The following FAM135B variants were observed in gnomAD, a reference collection of about 807,000 sequenced individuals.
The protein encoded by FAM135B is family with sequence similarity 135 member B.
Under a neutral mutation model 127.7 loss-of-function variants are expected in FAM135B, and 43 were observed. The ratio of observed to expected loss-of-function variants is 0.34; its 90% CI spans 0.26 to 0.43. The LOEUF (loss-of-function observed/expected upper bound fraction) is 0.43. Among genes scored for constraint, FAM135B ranks in the 20% least tolerant of loss-of-function variants. The pLI is 1.00. For missense variants in FAM135B, 1,558 were observed against 1,725.6 expected (o/e 0.90, Z 1.72); for synonymous variants, 670 against 665.1 (o/e 1.01, Z -0.11).
intron 1 of FAM135B, among the ~76,000 whole-genome samples, chr8:138,464,079 G>C (rs1837266771): frequency 6.6e-6 from 1 of 152,140 alleles, no homozygotes; most frequent in African/African-American, 2.4e-5. Flanking sequence ...CCTTTATCAG[G>C]TAGTATTTGA....
In FAM135B at chr8:138,143,137, G is replaced by A. The variant is rs202229375; in HGVS notation, c.3541-28C>T. The A allele has an allele frequency of 2.1e-5, 28 of 1,336,372 alleles. No individual in the cohort carries two copies. The African/African-American group carries it at 3.3e-4, about 16-fold the overall frequency. 82.8% of individuals were successfully genotyped at this position (1,336,372 alleles called of 1,614,324 possible). A position where few individuals can be genotyped will look rare whatever the true frequency, so the allele number is the denominator to read the frequency against. On this transcript the variant is annotated intron_variant, in intron 15 of 19. Transcript: ENST00000395297. ...GGAAGAAGAGAGAGGAACAGGTGTT[G>A]GGTATGGTTGTGGCGGGGGCTGGGC...
intron 5 of FAM135B, 130 bp from the exon 6 acceptor site, chr8:138,251,144 G>A: frequency 9.5e-7 from 1 of 1,057,734 alleles, no homozygotes; most frequent in Non-Finnish European, 1.4e-6. Context: ...TCCTGCAAAT[G>A]CTCTGCCTGG....
At chr8:138,198,403 C>T (rs952554366) in intron 7 of FAM135B, among the ~76,000 whole-genome samples, 1 of 152,140 alleles carries the variant, frequency 6.6e-6, no homozygotes, top group African/African-American at 2.4e-5. Context: ...CTTCTTTCCC[C>T]ACTACTGCAG....
chr8:138,195,263 G>T lies in FAM135B; in HGVS notation c.868C>A (p.Leu290Ile), dbSNP rs375948638. The T allele has an allele frequency of 6.2e-7, 1 of 1,613,698 alleles. No homozygotes were observed. The highest frequency in any genetic ancestry group is 8.5e-7 in the Non-Finnish European group (1 of 1,179,910). ...EETLSQLCSE[L>I]QMLNNPEKIA... is the part of the protein sequence containing the mutation. ...AGCGCCAGTTCTCCAATTACCTGTA[G>T]CTCTGAGCACAGCTGAGAAAGTGTT... Residue 290 changes from leucine to isoleucine, a missense_variant, in exon 9 of 20, where the codon CTA becomes ATA. Leu to Ile is a conservative substitution (Grantham distance 5, BLOSUM62 2). Transcript: ENST00000395297.
intron 9 of FAM135B, among the ~76,000 whole-genome samples, chr8:138,189,258 T>C (rs1357332509): frequency 6.6e-6 from 1 of 152,156 alleles, no homozygotes; most frequent in Non-Finnish European, 1.5e-5. Flanking sequence ...GGGAAGATTA[T>C]CTTCCCGCTC....
At chr8:138,202,227 A>G (rs144192489) in intron 7 of FAM135B, among the ~76,000 whole-genome samples, 156 of 141,286 alleles carry the variant, frequency 1.1e-3, no homozygotes, top group African/African-American at 4.0e-3. Flanking sequence ...GCAACAAGAG[A>G]TACAGGGCAA....
At chr8:138,235,665 C>A (rs1247235979) in intron 7 of FAM135B, among the ~76,000 whole-genome samples, 2 of 152,142 alleles carry the variant, frequency 1.3e-5, no homozygotes, top group Non-Finnish European at 2.9e-5. Context: ...CCCTCCCCAC[C>A]CTGCCCTGCC....
At chr8:138,224,509 T>C (rs1046799132) in intron 7 of FAM135B, among the ~76,000 whole-genome samples, 2 of 152,198 alleles carry the variant, frequency 1.3e-5, no homozygotes, top group East Asian at 3.9e-4. Flanking sequence ...CGATCTCGGC[T>C]CACTGCAACC....
chr8:138,212,045 G>A (rs1818184063), intron 7 of FAM135B, among the ~76,000 whole-genome samples: 2 of 152,188 alleles, frequency 1.3e-5, no homozygotes, highest in Admixed American at 1.3e-4. Flanking sequence ...TCCACCCTTG[G>A]TGACAGAAAG....
intron 7 of FAM135B, among the ~76,000 whole-genome samples, chr8:138,206,845 ACACAGCTCTATCATCCCCTCCACCTACC>A (rs1817720619): frequency 1.4e-4 from 4 of 28,952 alleles, no homozygotes; most frequent in Admixed American, 3.7e-4. Flanking sequence ...CTCCACCTAC[ACACAGCTCTATCATCCCCTCCACCTACC>A]CACAGCTCTA....
chr8:138,259,850 G>A (rs1586907611), intron 4 of FAM135B, among the ~76,000 whole-genome samples: 1 of 152,262 alleles, frequency 6.6e-6, no homozygotes, highest in East Asian at 1.9e-4. Flanking sequence ...ATACCTTATA[G>A]GTATAAGATG....
At chr8:138,268,662 C>T (rs1376833641) in intron 3 of FAM135B, among the ~76,000 whole-genome samples, 1 of 152,188 alleles carries the variant, frequency 6.6e-6, no homozygotes, top group Non-Finnish European at 1.5e-5. Context: ...ACTATCCTCA[C>T]TCCTCCTTGC....
At position 138,132,864 on chromosome 8, in the gene FAM135B, A is replaced by G. The variant is rs2130492835; in HGVS notation, c.4016-66T>C. The G allele has an allele frequency of 7.1e-7, 1 of 1,402,532 alleles. No homozygotes were observed. Among genetic ancestry groups the G allele is most frequent in the Non-Finnish European group, 1.0e-6 (1 of 989,984 alleles). The allele number at this position is 1,402,532 out of a possible 1,614,324, so 86.9% of individuals were successfully genotyped here. A position where few individuals can be genotyped will look rare whatever the true frequency, so the allele number is the denominator to read the frequency against. On this transcript the variant is annotated intron_variant, in intron 19 of 19. Transcript: ENST00000395297. This position sits in a 1 kb window ranked among gnomAD's most constrained non-coding sequence, Gnocchi z 4.5. ...TTAGCAGTGGAATCTAGAGAACATC[A>G]CTAGATGTGTGTCGAAATTCTGTTC...
intron 1 of FAM135B, among the ~76,000 whole-genome samples, chr8:138,455,523 TAATCTG>T (rs1836727631): frequency 6.6e-6 from 1 of 152,230 alleles, no homozygotes; most frequent in South Asian, 2.1e-4. Flanking sequence ...ATGTATTACC[TAATCTG>T]ATCCTTACAA....
intron 18 of FAM135B, among the ~76,000 whole-genome samples, chr8:138,138,098 C>T (rs1272316406): frequency 2.0e-5 from 3 of 152,160 alleles, no homozygotes; most frequent in Non-Finnish European, 4.4e-5. Flanking sequence ...TCCTTCAGGA[C>T]AGCTCTCCAG....
In FAM135B at chr8:138,152,171, G is replaced by T. The variant is rs748148602; in HGVS notation, c.2304C>A (p.Thr768=). The T allele has an allele frequency of 2.4e-5, 38 of 1,613,884 alleles. No individual in the cohort carries two copies. The highest frequency in any genetic ancestry group is 4.0e-5 in the African/African-American group (3 of 74,894). ...TGATGTGGGGAGCAGATACAGACTT[G>T]GTTAACTTAGTGAGTGCCACCTCCC... is the stretch of plus-strand genomic sequence containing the variant. ...DEREVALTKL[T]KSVSAPHISS... The change falls in exon 13 of 20, where the codon ACC becomes ACA. Residue 768 remains threonine, a synonymous_variant. Transcript: ENST00000395297.
intron 1 of FAM135B, among the ~76,000 whole-genome samples, chr8:138,459,771 C>G (rs1041132710): frequency 6.6e-6 from 1 of 152,140 alleles, no homozygotes; most frequent in Non-Finnish European, 1.5e-5. Flanking sequence ...CCTGTTTCCT[C>G]TTCCAAGCTA....
intron 2 of FAM135B, among the ~76,000 whole-genome samples, chr8:138,332,009 G>A (rs1828215621): frequency 1.3e-5 from 2 of 152,120 alleles, no homozygotes. Context: ...TTCCCCAAAT[G>A]AAAAGACTGA....
intron 5 of FAM135B, 140 bp from the exon 6 acceptor site, chr8:138,251,154 G>A: frequency 1.0e-6 from 1 of 999,584 alleles, no homozygotes; most frequent in Non-Finnish European, 1.5e-6. Flanking sequence ...GCTCTGCCTG[G>A]TAGAAATCAT....
Sources: allele counts gnomAD v4.1 joint callset (sites outside exome capture counted in the v4.1 genomes callset), GRCh38; gene constraint gnomAD v4.1.1; non-coding constraint Gnocchi (gnomAD v3.1); transcripts MANE v1.5; gene names NCBI Gene and HGNC (gene_info 2026-07-23, HGNC 2026-07-21).